Variants in TRPM3 observed in about 807,000 individuals in gnomAD.
TRPM3 encodes the protein transient receptor potential cation channel subfamily M member 3.
In TRPM3, 77 loss-of-function variants were observed where a neutral mutation model predicts 181.2. The observed-to-expected ratio is 0.42, with a 90% CI of 0.35 to 0.51. The LOEUF is 0.51. Among genes scored for constraint, TRPM3 ranks in the 20% least tolerant of loss-of-function variants. The pLI is 0.01. For missense variants in TRPM3, 1,759 were observed against 2,196.7 expected, an observed-to-expected ratio of 0.80 and a Z score of 3.98; for synonymous variants, 745 against 796.4, an observed-to-expected ratio of 0.94 and a Z score of 1.09.
At chr9:71,303,726 A>G (rs1252643072) in intron 1 of TRPM3, among the ~76,000 whole-genome samples, 1 of 152,222 alleles carries the variant, frequency 6.6e-6, no homozygotes, top group Non-Finnish European at 1.5e-5. Context: ...ATTAAATTAC[A>G]GAGATACAGA....
rs2059715615 is a variant in TRPM3 at position 70,652,431 on chromosome 9, G to A, written c.1346-11771C>T. On this transcript the variant is annotated intron_variant, in intron 9 of 25. Coordinates refer to ENST00000677713, the MANE Select transcript of TRPM3 (RefSeq NM_001366145.2). The stretch of plus-strand genomic sequence containing the variant: ...GAAACCATGGGACTTTATAAGTTTG[G>A]TGGAAGGTGAAGTGAAGAAATAAGG... Among the ~76,000 whole-genome samples, 4 of 152,224 alleles carry A rather than the reference G, an allele frequency of 2.6e-5. No homozygotes were observed. In the South Asian group the frequency reaches 6.2e-4, roughly 24 times the overall value.
At chr9:70,987,669 C>T (rs1309604496) in intron 1 of TRPM3, among the ~76,000 whole-genome samples, 1 of 152,076 alleles carries the variant, frequency 6.6e-6, no homozygotes, top group East Asian at 1.9e-4. Context: ...TAGTCATATA[C>T]ATACTATAAG....
At chr9:70,740,633 A>G (rs754037043) in intron 8 of TRPM3, among the ~76,000 whole-genome samples, 1 of 152,216 alleles carries the variant, frequency 6.6e-6, no homozygotes, top group Non-Finnish European at 1.5e-5. Flanking sequence ...AAAATGGCAC[A>G]TAAACCAATG....
intron 8 of TRPM3, among the ~76,000 whole-genome samples, chr9:70,693,802 C>T (rs2069324594): frequency 6.6e-6 from 1 of 152,214 alleles, no homozygotes; most frequent in Non-Finnish European, 1.5e-5. Context: ...CAATCTTACC[C>T]TTATCTAACT....
At chr9:71,218,785 T>G (rs2080059189) in intron 1 of TRPM3, among the ~76,000 whole-genome samples, 3 of 152,204 alleles carry the variant, frequency 2.0e-5, no homozygotes, top group Admixed American at 1.3e-4. Flanking sequence ...ATTTTTTTGG[T>G]AGAATGTTAT....
intron 1 of TRPM3, among the ~76,000 whole-genome samples, chr9:71,273,495 A>C (rs111529337): frequency 7.0e-4 from 106 of 152,354 alleles, no homozygotes; most frequent in African/African-American, 2.5e-3. Context: ...GTTGAAATTC[A>C]TAAGTGATAA....
intron 1 of TRPM3, among the ~76,000 whole-genome samples, chr9:71,353,040 A>G (rs2091728453): frequency 6.6e-6 from 1 of 152,130 alleles, no homozygotes; most frequent in African/African-American, 2.4e-5. Flanking sequence ...ACTGATGTTC[A>G]AGCAGCCAGA....
chr9:71,148,620 A>G (rs946103822), intron 1 of TRPM3, among the ~76,000 whole-genome samples: 15 of 152,186 alleles, frequency 9.9e-5, no homozygotes, highest in African/African-American at 3.6e-4. Flanking sequence ...AACATGAACC[A>G]AGAATTTTAT....
At position 71,121,488 on chromosome 9, in the gene TRPM3, C is replaced by T; in HGVS notation, c.-134G>A. 7.0e-7 allele frequency: 1 copy of T among 1,432,226 alleles called. No homozygotes were observed. The highest frequency in any genetic ancestry group is 9.1e-7 in the Non-Finnish European group (1 of 1,097,662). The allele number at this position is 1,432,226 out of a possible 1,614,324, so 88.7% of individuals were successfully genotyped here. ...CACCTCCCCTCTCTCTGCAGCCGTG[C>T]TCATGCATACCAAATGTGGCTGAAT... On this transcript the variant is annotated 5_prime_UTR_variant, in exon 1 of 26. Coordinates refer to ENST00000677713, the MANE Select transcript of TRPM3 (RefSeq NM_001366145.2).
rs954008640 is a variant in TRPM3, at chr9:70,531,440, C to T, written c.*4513G>A. 1.3e-5 allele frequency: 2 copies of T among 152,038 alleles called. No homozygotes were observed. The highest frequency in any genetic ancestry group is 4.8e-5 in the African/African-American group (2 of 41,378). The allele number at this position is 152,038 out of a possible 1,614,324, so 9.4% of individuals were successfully genotyped here. On this transcript the variant is annotated 3_prime_UTR_variant, in exon 26 of 26. Transcript: ENST00000677713. ...GCAGGCAATAGTAAAATGTTAAGTG[C>T]CTTAGAAAAGTCAAAAGAAATGCAT...
intron 1 of TRPM3, among the ~76,000 whole-genome samples, chr9:71,238,137 G>GT (rs111714974): frequency 5.3e-5 from 8 of 151,952 alleles, no homozygotes; most frequent in Admixed American, 2.0e-4. Flanking sequence ...CTAAAAAGTA[G>GT]TTTTTTTTCT....
chr9:71,028,867 C>T (rs1347001638), intron 1 of TRPM3, among the ~76,000 whole-genome samples: 2 of 152,114 alleles, frequency 1.3e-5, no homozygotes, highest in East Asian at 1.9e-4. Context: ...TTAGACAGAT[C>T]ATTAAGGGAG....
intron 1 of TRPM3, among the ~76,000 whole-genome samples, chr9:71,002,953 G>T (rs1369363538): frequency 6.6e-6 from 1 of 152,032 alleles, no homozygotes; most frequent in East Asian, 1.9e-4. Flanking sequence ...AATTGTCATT[G>T]TTATTGATGT....
chr9:71,042,677 G>A (rs2058966704), intron 1 of TRPM3, among the ~76,000 whole-genome samples: 1 of 152,176 alleles, frequency 6.6e-6, no homozygotes, highest in Admixed American at 6.5e-5. Flanking sequence ...CTTCTAATCA[G>A]CAGTAGAAGT....
At chr9:71,384,831 C>A (rs962514853) in intron 1 of TRPM3, among the ~76,000 whole-genome samples, 4 of 152,068 alleles carry the variant, frequency 2.6e-5, no homozygotes, top group African/African-American at 9.7e-5. Flanking sequence ...AGGCACTCTC[C>A]AGAGTCTAAA....
intron 1 of TRPM3, among the ~76,000 whole-genome samples, chr9:70,892,016 C>T (rs150991217): frequency 0.032 from 4,884 of 152,174 alleles, 108 homozygotes; most frequent in Middle Eastern, 0.058. Context: ...TACAGATCCA[C>T]AGCAGGGTGA....
At chr9:70,672,260 T>C (rs2063113245) in intron 9 of TRPM3, among the ~76,000 whole-genome samples, 1 of 152,140 alleles carries the variant, frequency 6.6e-6, no homozygotes, top group African/African-American at 2.4e-5. Context: ...GGATCCAAGA[T>C]GAGCAAATTC....
chr9:71,084,445 G>A (rs371251743), intron 1 of TRPM3, among the ~76,000 whole-genome samples: 2 of 151,798 alleles, frequency 1.3e-5, no homozygotes, highest in East Asian at 1.9e-4. Context: ...CAAAATCAAC[G>A]TACAAAAATC....
At chr9:70,648,137 T>C (rs2059143690) in intron 9 of TRPM3, among the ~76,000 whole-genome samples, 1 of 152,180 alleles carries the variant, frequency 6.6e-6, no homozygotes, top group South Asian at 2.1e-4. Context: ...ACGTGCAGAT[T>C]CAGTGCTATC....
Sources: gnomAD v4.1 joint callset for allele counts (sites outside exome capture counted in the v4.1 genomes callset) on GRCh38, gnomAD v4.1.1 for gene constraint, MANE v1.5 for transcripts, NCBI Gene and HGNC (gene_info 2026-07-23, HGNC 2026-07-21) for gene names.